ISLR2: variants seen among roughly 807,000 people sequenced by gnomAD.
ISLR2 encodes immunoglobulin superfamily containing leucine-rich repeat protein 2.
Under a neutral mutation model 25.5 loss-of-function variants are expected in ISLR2, and 16 were observed. That is an observed-to-expected ratio of 0.63 (90% CI 0.43 to 0.95). The LOEUF (loss-of-function observed/expected upper bound fraction) is 0.95. Among genes scored for constraint, ISLR2 ranks in the 40% least tolerant of loss-of-function variants. ISLR2 has a pLI of 0.00. For synonymous variants in ISLR2, 508 were observed against 486.6 expected (o/e 1.04, Z -0.58); for missense variants, 883 against 1,030.7 (o/e 0.86, Z 1.96).
intron 2 of ISLR2, among the ~76,000 whole-genome samples, chr15:74,131,571 G>A (rs1311250161): frequency 6.6e-6 from 1 of 152,190 alleles, no homozygotes; most frequent in African/African-American, 2.4e-5. Flanking sequence ...TGTGTGACCG[G>A]GCTTAAGGTG....
intron 2 of ISLR2, among the ~76,000 whole-genome samples, chr15:74,114,372 A>C (rs1414269823): frequency 6.6e-6 from 1 of 152,244 alleles, no homozygotes; most frequent in Admixed American, 6.5e-5. Context: ...TCTAAGAAAA[A>C]TGGAAAAATA....
At position 74,133,731 on chromosome 15, in the gene ISLR2, C is replaced by A. The variant is rs1384836177; in HGVS notation, c.977C>A (p.Pro326His). The A allele has an allele frequency of 6.2e-7, 1 of 1,611,186 alleles. No individual in the cohort carries two copies. Among genetic ancestry groups the A allele is most frequent in the Admixed American group, 1.7e-5 (1 of 59,590 alleles). ...ACTCCAGCACCCGCTTGGCCGGCGCCCCCAGCCACACCGCGCTTCCTGGCC... is the reference window on the plus strand; with the variant it reads ...ACTCCAGCACCCGCTTGGCCGGCGCACCCAGCCACACCGCGCTTCCTGGCC... ...TPTPAPAWPA[P>H]PATPRFLALA... Residue 326 changes from proline (P) to histidine (H), a missense_variant, in exon 3 of 3, where the codon CCC becomes CAC. By Grantham distance (77) the Pro-to-His change is moderately conservative. Around this residue, in one of 2 missense-constraint regions of ISLR2, gnomAD observed 612 missense variants for 642.8 expected, o/e 0.95. Coordinates refer to ENST00000453268, the MANE Select transcript of ISLR2 (RefSeq NM_020851.3).
At chr15:74,108,033 C>G (rs1185050170) in intron 2 of ISLR2, among the ~76,000 whole-genome samples, 4 of 152,168 alleles carry the variant, frequency 2.6e-5, no homozygotes, top group Non-Finnish European at 4.4e-5. Context: ...TAGGAGAAAG[C>G]CAGAGGTTGG....
intron 2 of ISLR2, among the ~76,000 whole-genome samples, chr15:74,121,869 C>A (rs2072254598): frequency 6.6e-6 from 1 of 152,202 alleles, no homozygotes; most frequent in African/African-American, 2.4e-5. Context: ...CTCTATGGGG[C>A]CTGATTTGGG....
Position 74,104,095 on chromosome 15 carries a change from A to AAT in ISLR2, n.228+181_228+182insAT, listed in dbSNP as rs2072101367. ...ACTACTATACTTTGATGCTAGAGGT[A>AAT]TTCCCATTAAGGTCAGGAGCAGTAT... On this transcript the variant is annotated intron_variant and non_coding_transcript_variant, in intron 2 of 3. Transcript: ENST00000561975. Among the ~76,000 whole-genome samples, 3 of 152,358 alleles carry AAT rather than the reference A, an allele frequency of 2.0e-5. No individual in the cohort carries two copies. The East Asian group carries it at 5.8e-4, about 29-fold the overall frequency.
In ISLR2 at chr15:74,136,218, T is replaced by A. The variant is rs1296648058; in HGVS notation, c.*1226T>A. On this transcript the variant is annotated 3_prime_UTR_variant, in exon 3 of 3. Transcript: ENST00000453268. ...GTGTGTTGGGCTTTCCGGAGGTCTG[T>A]GCGCCCAACAGCGCCGCTCCCGCGG... The A allele has an allele frequency of 2.4e-5, 4 of 166,814 alleles. No homozygotes were observed. In the East Asian group the frequency reaches 5.8e-4, roughly 24 times the overall value. 10.3% of individuals were successfully genotyped at this position (166,814 alleles called of 1,614,324 possible).
chr15:74,133,420 G>C lies in ISLR2; in HGVS notation c.666G>C (p.Val222=). 6.2e-7 allele frequency: 1 copy of C among 1,607,468 alleles called. No homozygotes were observed. The highest frequency in any genetic ancestry group is 1.1e-5 in the South Asian group (1 of 91,012). Residue 222 remains valine (V), a synonymous_variant, in exon 3 of 3, where the codon GTG becomes GTC. Coordinates refer to ENST00000453268, the MANE Select transcript of ISLR2 (RefSeq NM_020851.3). ...CTCCCGCGCTGCAGGGGGTGCCGGT[G>C]TACCGCCTGCCCGCCCTGCCCTGTG... ...ASPPALQGVP[V]YRLPALPCAP...
intron 2 of ISLR2, among the ~76,000 whole-genome samples, chr15:74,108,925 A>T (rs2072143964): frequency 2.6e-5 from 4 of 152,110 alleles, no homozygotes; most frequent in Non-Finnish European, 5.9e-5. Flanking sequence ...CCAGGGTGTG[A>T]CCTGGGGCAG....
rs1289945488 is a variant in ISLR2, at chr15:74,136,481, T to C, written c.*1489T>C. On this transcript the variant is annotated 3_prime_UTR_variant, in exon 3 of 3. Coordinates refer to ENST00000453268, the MANE Select transcript of ISLR2 (RefSeq NM_020851.3). ...CGGCGGGAATCGTGTTTGCCCGGCG[T>C]GTAGTCCCTGACAAGCGTGCCCTGT... The C allele has an allele frequency of 1.2e-5, 2 of 162,502 alleles. No homozygotes were observed. The highest frequency in any genetic ancestry group is 4.0e-4 in the East Asian group (2 of 4,986). 10.1% of individuals were successfully genotyped at this position (162,502 alleles called of 1,614,324 possible). A position where few individuals can be genotyped will look rare whatever the true frequency, so the allele number is the denominator to read the frequency against.
chr15:74,122,877 C>T (rs1403847848), intron 2 of ISLR2, among the ~76,000 whole-genome samples: 1 of 152,006 alleles, frequency 6.6e-6, no homozygotes, highest in East Asian at 1.9e-4. Flanking sequence ...AGACTCTGGG[C>T]CAGCCCTCCT....
At position 74,132,954 on chromosome 15, in the gene ISLR2, G is replaced by A; in HGVS notation, c.200G>A (p.Arg67Gln). ...SLSANKITVL[R>Q]RGAFADVTQV... ...TCCGCGAACAAGATCACTGTGCTGC[G>A]GCGCGGGGCCTTCGCCGACGTCACA... Residue 67 changes from arginine (R) to glutamine (Q), a missense_variant, in exon 3 of 3, where the codon CGG (arginine) becomes CAG (glutamine). Arg to Gln is a conservative substitution (Grantham distance 43). Coordinates refer to ENST00000453268, the MANE Select transcript of ISLR2 (RefSeq NM_020851.3). The surrounding 1 kb of genome is among the most constrained non-coding windows in gnomAD (Gnocchi z 4.3). The A allele has an allele frequency of 6.2e-7, 1 of 1,614,048 alleles. No homozygotes were observed.
Position 74,134,111 on chromosome 15 carries a change from C to A in ISLR2, c.1357C>A (p.Pro453Thr). Residue 453 changes from proline (P) to threonine (T), a missense_variant, in exon 3 of 3, where the codon CCG (proline) becomes ACG (threonine). This residue lies in a region of ISLR2 where 612 missense variants were observed against 642.8 expected (regional missense o/e 0.95). Coordinates refer to ENST00000453268, the MANE Select transcript of ISLR2 (RefSeq NM_020851.3). ...GGCCGAAGACCAGATCCTCGCGGACCCGGCGGAGGAGCAGCGCTGTGGCAA... is the reference window on the plus strand; with the variant it reads ...GGCCGAAGACCAGATCCTCGCGGACACGGCGGAGGAGCAGCGCTGTGGCAA... ...EEAEDQILAD[P>T]AEEQRCGNGD... 6.2e-7 allele frequency: 1 copy of A among 1,613,722 alleles called. No individual in the cohort carries two copies. The highest frequency in any genetic ancestry group is 8.5e-7 in the Non-Finnish European group (1 of 1,179,896).
Position 74,110,676 on chromosome 15 carries a change from G to C in ISLR2, n.228+6762G>C, listed in dbSNP as rs1005368674. ...CTACTTAAAAAAAAAAAAAAAAAAG[G>C]CTGGGCATGGTGTCTCTCACCTGTA... On this transcript the variant is annotated intron_variant and non_coding_transcript_variant, in intron 2 of 3. Coordinates refer to the ISLR2 transcript ENST00000561975. Among the ~76,000 whole-genome samples, 9 of 145,204 alleles carry C rather than the reference G, an allele frequency of 6.2e-5. No individual in the cohort carries two copies. In the South Asian group the frequency reaches 1.9e-3, roughly 31 times the overall value.
At position 74,132,926 on chromosome 15, in the gene ISLR2, C is replaced by G; in HGVS notation, c.172C>G (p.Leu58Val). ...GLPANVTTLS[L>V]SANKITVLRR... ...GCCTGCCAACGTGACGACGCTTAGT[C>G]TGTCCGCGAACAAGATCACTGTGCT... The change falls in exon 3 of 3, where the codon CTG (leucine) becomes GTG (valine). Residue 58 changes from leucine to valine, a missense_variant. Leu to Val is a conservative substitution (Grantham distance 32). Coordinates refer to ENST00000453268, the MANE Select transcript of ISLR2 (RefSeq NM_020851.3). The surrounding 1 kb of genome is among the most constrained non-coding windows in gnomAD (Gnocchi z 4.3). 6.2e-7 allele frequency: 1 copy of G among 1,614,076 alleles called. No homozygotes were observed. Among genetic ancestry groups the G allele is most frequent in the Non-Finnish European group, 8.5e-7 (1 of 1,179,946 alleles).
chr15:74,123,156 C>G (rs2072266258), upstream of ISLR2, among the ~76,000 whole-genome samples: 1 of 152,146 alleles, frequency 6.6e-6, no homozygotes, highest in East Asian at 1.9e-4. Context: ...CAGGAAGACT[C>G]CCTCTGCCCA....
chr15:74,132,571 T>C lies in ISLR2; in HGVS notation c.-8-176T>C, dbSNP rs1310227390. On this transcript the variant is annotated intron_variant, in intron 2 of 2. Coordinates refer to ENST00000453268, the MANE Select transcript of ISLR2 (RefSeq NM_020851.3). The surrounding 1 kb of genome is among the most constrained non-coding windows in gnomAD (Gnocchi z 4.3). The stretch of plus-strand genomic sequence containing the variant: ...TTAGGGCCCTGGGAGGGAGCATCCG[T>C]TGAACCTCGAGATTTTTATTGACCT... Among the ~76,000 whole-genome samples, 1 of 152,178 alleles carries C rather than the reference T, an allele frequency of 6.6e-6. No homozygotes were observed. Among genetic ancestry groups the C allele is most frequent in the East Asian group, 1.9e-4 (1 of 5,190 alleles).
intron 2 of ISLR2, among the ~76,000 whole-genome samples, chr15:74,108,946 G>A (rs1042195905): frequency 1.3e-5 from 2 of 152,184 alleles, no homozygotes; most frequent in Admixed American, 6.5e-5. Flanking sequence ...GTGCGGGGCT[G>A]CTCTATCTGG....
At chr15:74,127,245 C>T (rs1406382419), upstream of ISLR2, 1 of 152,146 alleles carries the variant, frequency 6.6e-6, no homozygotes. Flanking sequence ...AATCAAACAT[C>T]GATTACTTCC....
rs1011287493 is a variant in ISLR2 at position 74,132,265 on chromosome 15, C to T, written c.-8-482C>T. 2.1e-4 allele frequency among the ~76,000 whole-genome samples: 32 copies of T among 152,152 alleles called. No homozygotes were observed. The highest frequency in any genetic ancestry group is 6.5e-4 in the African/African-American group (27 of 41,432). On this transcript the variant is annotated intron_variant, in intron 2 of 2. Coordinates refer to ENST00000453268, the MANE Select transcript of ISLR2 (RefSeq NM_020851.3). The surrounding 1 kb of genome is among the most constrained non-coding windows in gnomAD (Gnocchi z 4.3). Reference sequence around the variant, plus strand: ...AGTTGGCGGTTTGATTATGAAGCCCCGCGTCTGTTTGTATTGTTGTGTGCC... The same window carrying T: ...AGTTGGCGGTTTGATTATGAAGCCCTGCGTCTGTTTGTATTGTTGTGTGCC...
Sources: gnomAD v4.1 joint callset for allele counts (sites outside exome capture counted in the v4.1 genomes callset) on GRCh38, gnomAD v4.1.1 for gene constraint, gnomAD v4.1.1 regional missense constraint, Gnocchi (gnomAD v3.1) non-coding constraint, MANE v1.5 for transcripts, NCBI Gene and HGNC (gene_info 2026-07-23, HGNC 2026-07-21) for gene names.